CTNNA2: variants seen among roughly 807,000 people sequenced by gnomAD.
The protein encoded by CTNNA2 is catenin alpha-2.
Under a neutral mutation model 101.0 loss-of-function variants are expected in CTNNA2, and 42 were observed. The ratio of observed to expected loss-of-function variants is 0.42; its 90% CI spans 0.32 to 0.54. CTNNA2 has a LOEUF of 0.54. Among genes scored for constraint, CTNNA2 ranks in the 20% least tolerant of loss-of-function variants. The pLI is 0.14. For missense variants in CTNNA2, 871 were observed against 1,223.1 expected (o/e 0.71, Z 4.29); for synonymous variants, 450 against 456.4 (o/e 0.99, Z 0.18).
At chr2:80,208,285 A>G (rs1015669540) in intron 7 of CTNNA2, among the ~76,000 whole-genome samples, 3 of 152,190 alleles carry the variant, frequency 2.0e-5, no homozygotes, top group Non-Finnish European at 4.4e-5. Flanking sequence ...GTGTTGAAAA[A>G]TAACCTAGTT....
intron 9 of CTNNA2, among the ~76,000 whole-genome samples, chr2:80,433,453 G>T (rs1039595783): frequency 6.6e-6 from 1 of 152,066 alleles, no homozygotes; most frequent in African/African-American, 2.4e-5. Flanking sequence ...CCCCATTCTT[G>T]CAGAGGACAC....
At chr2:79,359,506 T>G (rs1191529820) in intron 3 of CTNNA2, among the ~76,000 whole-genome samples, 1 of 152,162 alleles carries the variant, frequency 6.6e-6, no homozygotes, top group East Asian at 1.9e-4. Context: ...TCCTATGATT[T>G]TCTAGGCATG....
intron 7 of CTNNA2, among the ~76,000 whole-genome samples, chr2:79,967,810 A>G (rs1690181071): frequency 6.6e-6 from 1 of 152,254 alleles, no homozygotes; most frequent in Non-Finnish European, 1.5e-5. Flanking sequence ...CAAATGGTGG[A>G]ATAACCCAAA....
intron 2 of CTNNA2, among the ~76,000 whole-genome samples, chr2:79,209,999 A>G (rs1203558488): frequency 6.6e-6 from 1 of 151,710 alleles, no homozygotes. Context: ...GGGGTATTGG[A>G]AATTAATGAC....
intron 7 of CTNNA2, among the ~76,000 whole-genome samples, chr2:80,226,575 G>A (rs933315121): frequency 1.3e-5 from 2 of 152,210 alleles, no homozygotes; most frequent in African/African-American, 2.4e-5. Context: ...TCCCCCTGGA[G>A]TGAGGCAGTG....
At chr2:80,645,904 A>G (rs1674029159) in intron 18 of CTNNA2, among the ~76,000 whole-genome samples, 1 of 152,138 alleles carries the variant, frequency 6.6e-6, no homozygotes, top group South Asian at 2.1e-4. Context: ...AACATCTTCC[A>G]TTGTTTTCCC....
intron 7 of CTNNA2, among the ~76,000 whole-genome samples, chr2:80,033,416 A>G (rs550274079): frequency 2.0e-5 from 3 of 151,772 alleles, no homozygotes; most frequent in Non-Finnish European, 2.9e-5. Context: ...CACAAAAAAA[A>G]TTAGAAATTA....
At chr2:80,486,100 G>C (rs1344007892) in intron 9 of CTNNA2, among the ~76,000 whole-genome samples, 6 of 152,102 alleles carry the variant, frequency 3.9e-5, no homozygotes, top group Non-Finnish European at 5.9e-5. Flanking sequence ...GCTGTACATA[G>C]TTATGCTCTT....
intron 7 of CTNNA2, among the ~76,000 whole-genome samples, chr2:80,224,891 T>C (rs1271420464): frequency 6.6e-6 from 1 of 152,158 alleles, no homozygotes; most frequent in African/African-American, 2.4e-5. Flanking sequence ...AATTTAATTG[T>C]CCTTTTAGAG....
At chr2:79,682,142 C>T (rs923766301) in intron 2 of CTNNA2, among the ~76,000 whole-genome samples, 7 of 152,216 alleles carry the variant, frequency 4.6e-5, no homozygotes, top group Middle Eastern at 3.4e-3. Context: ...GGCGCGGTGG[C>T]TCACGCCTGT....
chr2:79,254,641 T>C lies in CTNNA2; in HGVS notation c.-406+56565T>C, dbSNP rs531422160. Among the ~76,000 whole-genome samples, 115 of 152,288 alleles carry C rather than the reference T, an allele frequency of 7.6e-4. 1 individual carries two copies. Among genetic ancestry groups the C allele is most frequent in the South Asian group, 2.1e-3 (10 of 4,826 alleles). ...TTTATAAATTACCCAGTCTCAGGTA[T>C]TTCTTTATAGCAATGCAAGAATGGA... On this transcript the variant is annotated intron_variant, in intron 2 of 21. Transcript: ENST00000466387.
intron 7 of CTNNA2, among the ~76,000 whole-genome samples, chr2:80,161,181 A>T (rs924782210): frequency 1.3e-5 from 2 of 151,964 alleles, no homozygotes; most frequent in Non-Finnish European, 2.9e-5. Flanking sequence ...ACACCCAGCT[A>T]ATTTTTGTAC....
chr2:80,168,455 T>C (rs1015300044), intron 7 of CTNNA2, among the ~76,000 whole-genome samples: 8 of 152,256 alleles, frequency 5.3e-5, no homozygotes, highest in African/African-American at 1.9e-4. Flanking sequence ...TGGTGTCAGA[T>C]GAATGGTACA....
chr2:79,769,877 T>C (rs566672436), intron 3 of CTNNA2, among the ~76,000 whole-genome samples: 12 of 152,356 alleles, frequency 7.9e-5, no homozygotes, highest in Admixed American at 3.9e-4. Flanking sequence ...GCAATAAAAA[T>C]AGTTTATATC....
At chr2:79,537,314 C>G (rs1447419751) in intron 1 of CTNNA2, among the ~76,000 whole-genome samples, 2 of 152,186 alleles carry the variant, frequency 1.3e-5, no homozygotes, top group Non-Finnish European at 2.9e-5. Context: ...TTCTGCTACT[C>G]TGGGATTTTA....
intron 7 of CTNNA2, among the ~76,000 whole-genome samples, chr2:80,124,209 C>A (rs1444615556): frequency 6.6e-6 from 1 of 152,100 alleles, no homozygotes; most frequent in Admixed American, 6.6e-5. Context: ...CTTTATGCCC[C>A]AGATCTATGT....
At chr2:80,141,735 A>G (rs931174851) in intron 7 of CTNNA2, among the ~76,000 whole-genome samples, 4 of 152,130 alleles carry the variant, frequency 2.6e-5, no homozygotes, top group Non-Finnish European at 5.9e-5. Context: ...AATTTCAGGC[A>G]TCTAGCTAGC....
rs1218075981 is a variant in CTNNA2, at chr2:80,604,183, A to T, written c.2295+4A>T. ...AGCTCGTGCTGTGGCTGATCAGGTA[A>T]TAGAAGAGGGAAGGGTGGGCACATG... On this transcript the variant is annotated splice_donor_region_variant and intron_variant, in intron 16 of 18. Coordinates refer to ENST00000402739, the MANE Select transcript of CTNNA2 (RefSeq NM_001282597.3). 1.2e-6 allele frequency: 2 copies of T among 1,610,996 alleles called. No homozygotes were observed. The highest frequency in any genetic ancestry group is 2.7e-5 in the African/African-American group (2 of 74,820).
intron 9 of CTNNA2, among the ~76,000 whole-genome samples, chr2:80,508,749 A>G (rs182203126): frequency 6.6e-6 from 1 of 151,788 alleles, no homozygotes; most frequent in East Asian, 1.9e-4. Context: ...ACCTCCTCAT[A>G]CAGAGTTCCC....
Sources: allele counts gnomAD v4.1 joint callset (sites outside exome capture counted in the v4.1 genomes callset), GRCh38; gene constraint gnomAD v4.1.1; transcripts MANE v1.5; gene names NCBI Gene and HGNC (gene_info 2026-07-23, HGNC 2026-07-21).